SLC9A4: variants seen among roughly 807,000 people sequenced by gnomAD.
SLC9A4 encodes the protein sodium/hydrogen exchanger 4.
A neutral mutation model predicts 67.4 loss-of-function variants in SLC9A4; 63 were observed. That is an observed-to-expected ratio of 0.93 (90% CI 0.76 to 1.15). SLC9A4 has a LOEUF of 1.15. Ranked by LOEUF, SLC9A4 falls within the 50% of genes most tolerant of loss-of-function variation. The pLI is 0.00. For synonymous variants in SLC9A4, 393 were observed against 367.2 expected (o/e 1.07, Z -0.80); for missense variants, 1,089 against 987.7 (o/e 1.10, Z -1.38).
At chr2:102,518,456 A>C (rs1249012274) in intron 8 of SLC9A4, among the ~76,000 whole-genome samples, 1 of 152,194 alleles carries the variant, frequency 6.6e-6, no homozygotes, top group African/African-American at 2.4e-5. Context: ...TTAAACAGTT[A>C]GGTTTAAATG....
At chr2:102,497,051 G>A (rs913704544) in intron 2 of SLC9A4, among the ~76,000 whole-genome samples, 1 of 152,210 alleles carries the variant, frequency 6.6e-6, no homozygotes, top group African/African-American at 2.4e-5. Context: ...TCATGTCTCA[G>A]CCTCCTGAGT....
intron 8 of SLC9A4, among the ~76,000 whole-genome samples, chr2:102,515,920 G>A (rs1215106479): frequency 2.6e-5 from 4 of 152,124 alleles, no homozygotes; most frequent in Non-Finnish European, 5.9e-5. Flanking sequence ...AGAGAGCTAC[G>A]CAAGTCTATG....
At chr2:102,490,477 T>A (rs1274699375) in intron 2 of SLC9A4, among the ~76,000 whole-genome samples, 1 of 152,202 alleles carries the variant, frequency 6.6e-6, no homozygotes, top group Non-Finnish European at 1.5e-5. Flanking sequence ...TATCTCTTCA[T>A]TTTCTTATAA....
chr2:102,492,288 G>GCTCCAA (rs1018167933), intron 2 of SLC9A4, among the ~76,000 whole-genome samples: 8 of 152,212 alleles, frequency 5.3e-5, no homozygotes, highest in Non-Finnish European at 1.2e-4. Flanking sequence ...CTGTGTGGGG[G>GCTCCAA]CTCCAACTCC....
intron 2 of SLC9A4, among the ~76,000 whole-genome samples, chr2:102,487,911 C>T (rs1684620901): frequency 6.6e-6 from 1 of 152,162 alleles, no homozygotes; most frequent in African/African-American, 2.4e-5. Context: ...TGCTGAGTGC[C>T]TGGGATGCAG....
At position 102,505,322 on chromosome 2, in the gene SLC9A4, C is replaced by T. The variant is rs200740225; in HGVS notation, c.1049C>T (p.Thr350Ile). The T allele has an allele frequency of 1.2e-6, 2 of 1,614,210 alleles. No homozygotes were observed. The highest frequency in any genetic ancestry group is 1.7e-6 in the Non-Finnish European group (2 of 1,180,036). Residue 350 changes from threonine to isoleucine, a missense_variant, in exon 4 of 12, where the codon ACC (threonine) becomes ATC (isoleucine). Coordinates refer to ENST00000295269, the MANE Select transcript of SLC9A4 (RefSeq NM_001011552.4). ...AACGTGTCCCAGACATCATACACGA[C>T]CATCAAGTACTTCATGAAGATGCTG... ...EENVSQTSYTTIKYFMKMLSS... is the reference protein window; with the variant it reads ...EENVSQTSYTIIKYFMKMLSS...
At chr2:102,516,752 A>G (rs1273801653) in intron 8 of SLC9A4, among the ~76,000 whole-genome samples, 1 of 152,216 alleles carries the variant, frequency 6.6e-6, no homozygotes, top group Non-Finnish European at 1.5e-5. Flanking sequence ...TATCTCAAAT[A>G]TGAAGCAGCT....
At chr2:102,505,562 T>A in intron 4 of SLC9A4, 91 bp downstream of exon 4, 1 of 1,287,988 alleles carries the variant, frequency 7.8e-7, no homozygotes, top group Non-Finnish European at 1.1e-6. Flanking sequence ...GAGGACTGAG[T>A]AGATGCTAAC....
At chr2:102,526,982 T>C (rs1270571110) in intron 11 of SLC9A4, among the ~76,000 whole-genome samples, 1 of 152,194 alleles carries the variant, frequency 6.6e-6, no homozygotes, top group East Asian at 1.9e-4. Context: ...AATTTTTAAG[T>C]GTTAAAATCA....
At chr2:102,509,383 C>T (rs1685114034) in intron 6 of SLC9A4, among the ~76,000 whole-genome samples, 1 of 152,230 alleles carries the variant, frequency 6.6e-6, no homozygotes, top group East Asian at 1.9e-4. Flanking sequence ...GAGACTGTCT[C>T]CAGCTTAAGG....
chr2:102,485,374 A>T (rs1684564812), intron 2 of SLC9A4, among the ~76,000 whole-genome samples: 1 of 152,206 alleles, frequency 6.6e-6, no homozygotes, highest in Non-Finnish European at 1.5e-5. Flanking sequence ...AGTTTCTATC[A>T]GAGACCATTG....
At chr2:102,517,607 G>A (rs1196538247) in intron 8 of SLC9A4, among the ~76,000 whole-genome samples, 1 of 152,094 alleles carries the variant, frequency 6.6e-6, no homozygotes, top group East Asian at 1.9e-4. Flanking sequence ...TGATTTGAAT[G>A]TTTCTAACAT....
chr2:102,527,422 G>T (rs991083822), intron 11 of SLC9A4, among the ~76,000 whole-genome samples: 3 of 152,068 alleles, frequency 2.0e-5, no homozygotes, highest in South Asian at 2.1e-4. Flanking sequence ...TTTTTAATGA[G>T]TTAATAATAA....
intron 8 of SLC9A4, among the ~76,000 whole-genome samples, chr2:102,518,832 G>A (rs1049766443): frequency 9.9e-5 from 15 of 151,996 alleles, no homozygotes; most frequent in South Asian, 4.2e-4. Flanking sequence ...GCCCTTATGC[G>A]TTCAAAATTC....
At chr2:102,499,262 A>G (rs1333948908) in intron 2 of SLC9A4, among the ~76,000 whole-genome samples, 9 of 151,192 alleles carry the variant, frequency 6.0e-5, no homozygotes, top group Non-Finnish European at 1.3e-4. Context: ...GATGGATGAT[A>G]GACAGCAGAT....
chr2:102,525,104 C>A lies in SLC9A4; in HGVS notation c.1899C>A (p.Asn633Lys). Reference protein sequence around the residue: ...QAKEILIRRQNTLRESMRKGH... With the variant: ...QAKEILIRRQKTLRESMRKGH... The stretch of plus-strand genomic sequence containing the variant: ...AAGAGATTCTGATCCGCCGCCAGAA[C>A]ACCTTAAGGGAGAGCATGAGGAAAG... The change falls in exon 10 of 12, where the codon AAC becomes AAA. Residue 633 changes from asparagine (N) to lysine (K), a missense_variant. Physicochemically the swap from Asn to Lys is moderately conservative, Grantham distance 94. Coordinates refer to ENST00000295269, the MANE Select transcript of SLC9A4 (RefSeq NM_001011552.4). 6.2e-7 allele frequency: 1 copy of A among 1,614,088 alleles called. No homozygotes were observed. Among genetic ancestry groups the A allele is most frequent in the Non-Finnish European group, 8.5e-7 (1 of 1,179,984 alleles).
chr2:102,505,179 A>C, intron 3 of SLC9A4, 75 bp from the exon 4 acceptor site: 1 of 1,369,546 alleles, frequency 7.3e-7, no homozygotes, highest in Non-Finnish European at 1.0e-6. Flanking sequence ...CATCTGTGGC[A>C]TTGCCTGTGG....
At chr2:102,497,575 C>A (rs1684835367) in intron 2 of SLC9A4, among the ~76,000 whole-genome samples, 1 of 152,018 alleles carries the variant, frequency 6.6e-6, no homozygotes, top group South Asian at 2.1e-4. Flanking sequence ...TTAAATAAGC[C>A]CGAAAAAAGG....
At chr2:102,484,930 C>T (rs77308905) in intron 2 of SLC9A4, among the ~76,000 whole-genome samples, 15,651 of 152,188 alleles carry the variant, frequency 0.1, 1,032 homozygotes, top group Middle Eastern at 0.18. Flanking sequence ...ATCTTCCTGG[C>T]TCTGGATGCC....
Sources: gnomAD v4.1 joint callset for allele counts (sites outside exome capture counted in the v4.1 genomes callset) on GRCh38, gnomAD v4.1.1 for gene constraint, MANE v1.5 for transcripts, NCBI Gene and HGNC (gene_info 2026-07-23, HGNC 2026-07-21) for gene names.